Variants in TAOK1 observed in about 807,000 individuals in gnomAD.
The protein encoded by TAOK1 is serine/threonine-protein kinase TAO1.
Under a neutral mutation model 138.3 loss-of-function variants are expected in TAOK1, and 21 were observed. The ratio of observed to expected loss-of-function variants is 0.15; its 90% CI spans 0.11 to 0.22. TAOK1 has a LOEUF of 0.22. TAOK1 is among the 10% of genes least tolerant of loss of function. TAOK1 has a pLI of 1.00. For missense variants in TAOK1, 651 were observed against 1,227.7 expected (o/e 0.53, Z 7.02); for synonymous variants, 361 against 398.4 (o/e 0.91, Z 1.12).
At chr17:29,471,391 T>A (rs1043372959) in intron 3 of TAOK1, among the ~76,000 whole-genome samples, 7 of 146,260 alleles carry the variant, frequency 4.8e-5, no homozygotes, top group African/African-American at 1.8e-4. Context: ...GTGATTCTCC[T>A]GCTTGCCTCC....
intron 4 of TAOK1, among the ~76,000 whole-genome samples, chr17:29,477,398 G>A (rs1228972831): frequency 6.6e-6 from 1 of 150,964 alleles, no homozygotes; most frequent in Non-Finnish European, 1.5e-5. Flanking sequence ...ATTATATGTT[G>A]GCATTATTAA....
chr17:29,419,415 C>T (rs1035948381), intron 1 of TAOK1, among the ~76,000 whole-genome samples: 24 of 151,756 alleles, frequency 1.6e-4, no homozygotes, highest in Non-Finnish European at 2.5e-4. Flanking sequence ...AGGCTGGTCT[C>T]GAACTCCCGA....
chr17:29,448,619 C>A (rs139779293), intron 1 of TAOK1, among the ~76,000 whole-genome samples: 1 of 152,154 alleles, frequency 6.6e-6, no homozygotes, highest in Non-Finnish European at 1.5e-5. Context: ...TATCTCTTGT[C>A]TCTCTGAATT....
intron 8 of TAOK1, among the ~76,000 whole-genome samples, chr17:29,487,246 C>CAAAAAAAAA (rs71138823): frequency 2.0e-4 from 18 of 90,278 alleles, no homozygotes; most frequent in African/African-American, 9.1e-4. Flanking sequence ...ACTGTGTCTC[C>CAAAAAAAAA]AAAAAAAAAA....
At chr17:29,515,870 C>G (rs1158250668) in intron 15 of TAOK1, among the ~76,000 whole-genome samples, 1 of 151,990 alleles carries the variant, frequency 6.6e-6, no homozygotes, top group Non-Finnish European at 1.5e-5. Context: ...CACTTGCCTT[C>G]TAGAGGGCAT....
At chr17:29,541,002 G>A (rs964646964) in intron 19 of TAOK1, among the ~76,000 whole-genome samples, 1 of 152,034 alleles carries the variant, frequency 6.6e-6, no homozygotes, top group African/African-American at 2.4e-5. Context: ...CACCACGCCC[G>A]GCCTTGATAC....
chr17:29,425,173 G>C (rs1256356719), intron 1 of TAOK1, among the ~76,000 whole-genome samples: 1 of 152,102 alleles, frequency 6.6e-6, no homozygotes, highest in African/African-American at 2.4e-5. Flanking sequence ...AGGTTCAAGG[G>C]ATTCTCCTGC....
chr17:29,514,879 G>T (rs1424336379), intron 15 of TAOK1: 1 of 151,390 alleles, frequency 6.6e-6, no homozygotes, highest in Non-Finnish European at 1.5e-5. Context: ...CACACCTGTG[G>T]TCCTAGCTAC....
intron 1 of TAOK1, among the ~76,000 whole-genome samples, chr17:29,416,859 T>G (rs1177999586): frequency 2.6e-5 from 4 of 152,190 alleles, no homozygotes; most frequent in Admixed American, 6.6e-5. Flanking sequence ...ATTTAGTCAA[T>G]ATTTGTTAAA....
intron 1 of TAOK1, among the ~76,000 whole-genome samples, chr17:29,410,442 G>A (rs548868228): frequency 1.7e-3 from 252 of 151,712 alleles, no homozygotes; most frequent in African/African-American, 5.9e-3. Context: ...TAGCAGAAAC[G>A]GGGTTTCACT....
At chr17:29,453,809 GT>G (rs532165582) in intron 2 of TAOK1, among the ~76,000 whole-genome samples, 148 of 120,146 alleles carry the variant, frequency 1.2e-3, no homozygotes, top group Middle Eastern at 4.5e-3. Context: ...AGGTTTTTTT[GT>G]TTTTTTTTTT....
chr17:29,536,952 G>A (rs534623307), intron 19 of TAOK1, among the ~76,000 whole-genome samples: 358 of 152,038 alleles, frequency 2.4e-3, no homozygotes, highest in African/African-American at 8.1e-3. Flanking sequence ...CGCCTGCCTC[G>A]GCCTCCCAAA....
intron 1 of TAOK1, among the ~76,000 whole-genome samples, chr17:29,399,984 G>T (rs562659932): frequency 1.3e-5 from 2 of 152,080 alleles, no homozygotes; most frequent in Non-Finnish European, 2.9e-5. Context: ...CTTCTGCCTT[G>T]TTCTCCCAAA....
intron 10 of TAOK1, among the ~76,000 whole-genome samples, chr17:29,494,805 A>G (rs2681177): frequency 0.99 from 141,665 of 142,796 alleles, 70,311 homozygotes; most frequent in Middle Eastern, 1. Flanking sequence ...CAGCCTGGGC[A>G]ACAGAGGGAG....
chr17:29,508,032 A>G lies in TAOK1; in HGVS notation c.1475A>G (p.His492Arg), dbSNP rs1224531763. The G allele has an allele frequency of 6.2e-7, 1 of 1,614,152 alleles. No individual in the cohort carries two copies. Among genetic ancestry groups the G allele is most frequent in the Non-Finnish European group, 8.5e-7 (1 of 1,179,992 alleles). Residue 492 changes from histidine (H) to arginine (R), a missense_variant, in exon 14 of 20, where the codon CAT (histidine) becomes CGT (arginine). Physicochemically the swap from His to Arg is conservative, Grantham distance 29. This residue lies in a region of TAOK1 where 258 missense variants were observed against 548.9 expected (regional missense o/e 0.47). Coordinates refer to ENST00000261716, the MANE Select transcript of TAOK1 (RefSeq NM_020791.4). Reference sequence around the variant, plus strand: ...AAGCTAAAGGCTGAGATGGATGAACATCGCCTCAGATTAGACAAAGATCTT... The same window carrying G: ...AAGCTAAAGGCTGAGATGGATGAACGTCGCCTCAGATTAGACAAAGATCTT... Reference protein sequence around the residue: ...ENKLKAEMDEHRLRLDKDLET... With the variant: ...ENKLKAEMDERRLRLDKDLET...
At chr17:29,432,372 G>A (rs1905869210) in intron 1 of TAOK1, among the ~76,000 whole-genome samples, 2 of 152,206 alleles carry the variant, frequency 1.3e-5, no homozygotes, top group South Asian at 4.1e-4. Flanking sequence ...GGTGGGCCAG[G>A]TGTTCCTTGC....
intron 1 of TAOK1, among the ~76,000 whole-genome samples, chr17:29,397,664 G>GCTACATGT (rs1290681493): frequency 2.8e-5 from 1 of 35,604 alleles, no homozygotes; most frequent in South Asian, 1.0e-3. Context: ...ATTCATGTAT[G>GCTACATGT]ATACATGTAT....
intron 2 of TAOK1, among the ~76,000 whole-genome samples, chr17:29,457,745 G>A (rs117738898): frequency 1.1e-3 from 165 of 151,942 alleles, no homozygotes; most frequent in South Asian, 3.1e-3. Context: ...CAATGCCTTC[G>A]CAGAAACATA....
In TAOK1 at chr17:29,482,294, C is replaced by T. The variant is rs369402043; in HGVS notation, c.655+6C>T. 1.2e-4 allele frequency: 188 copies of T among 1,590,842 alleles called. 2 individuals are homozygous for T. In the South Asian group the frequency reaches 1.9e-3, roughly 16 times the overall value. On this transcript the variant is annotated splice_donor_region_variant and intron_variant, in intron 8 of 19. Coordinates refer to ENST00000261716, the MANE Select transcript of TAOK1 (RefSeq NM_020791.4). ...AATAACATGTATTGAACTAGGTAAG[C>T]ATTGTTCTTCATTACTATGGATTAA...
Sources: allele counts gnomAD v4.1 joint callset (sites outside exome capture counted in the v4.1 genomes callset), GRCh38; gene constraint gnomAD v4.1.1; regional missense constraint gnomAD v4.1.1; transcripts MANE v1.5; gene names NCBI Gene and HGNC (gene_info 2026-07-23, HGNC 2026-07-21).